CACNA1A: variants seen among roughly 807,000 people sequenced by gnomAD.
CACNA1A encodes voltage-dependent P/Q-type calcium channel subunit alpha-1A.
In CACNA1A, 57 loss-of-function variants were observed where a neutral mutation model predicts 262.4. That is an observed-to-expected ratio of 0.22 (90% CI 0.18 to 0.27). The LOEUF is 0.27. Among genes scored for constraint, CACNA1A ranks in the 10% least tolerant of loss-of-function variants. The pLI, the probability that CACNA1A is intolerant of heterozygous loss-of-function variation, is 1.00. For missense variants in CACNA1A, 2,526 were observed against 3,562.8 expected, an observed-to-expected ratio of 0.71 and a Z score of 7.41; for synonymous variants, 1,431 against 1,419.3, an observed-to-expected ratio of 1.01 and a Z score of -0.18.
At chr19:13,255,671 T>G in intron 28 of CACNA1A, among the ~76,000 whole-genome samples, 2 of 137,376 alleles carry the variant, frequency 1.5e-5, no homozygotes, top group South Asian at 2.5e-4. Flanking sequence ...CCTCCCTCGC[T>G]CCCTCCCTCC....
At chr19:13,263,101 G>C (rs2056775930) in intron 24 of CACNA1A, 1 of 456,970 alleles carries the variant, frequency 2.2e-6, no homozygotes, top group African/African-American at 2.0e-5. Flanking sequence ...CTGAGCAGCT[G>C]TATTGGGTGT....
At chr19:13,352,965 GT>G (rs768810476) in intron 6 of CACNA1A, among the ~76,000 whole-genome samples, 12 of 151,594 alleles carry the variant, frequency 7.9e-5, no homozygotes, top group Non-Finnish European at 1.3e-4. Context: ...TAGAGATGAG[GT>G]TTCGCCATGT....
At chr19:13,238,576 C>T (rs1159902084) in intron 31 of CACNA1A, among the ~76,000 whole-genome samples, 1 of 141,948 alleles carries the variant, frequency 7.0e-6, no homozygotes, top group African/African-American at 2.7e-5. Flanking sequence ...CTTGCACTCG[C>T]TCACCTCTAT....
intron 3 of CACNA1A, chr19:13,450,829 CTTTTAAT>C (rs1374070943): frequency 2.0e-5 from 3 of 152,106 alleles, no homozygotes; most frequent in African/African-American, 7.2e-5. Context: ...GCTTTATACA[CTTTTAAT>C]TTTTATTTTG....
intron 3 of CACNA1A, among the ~76,000 whole-genome samples, chr19:13,430,618 T>G (rs1373295752): frequency 6.6e-6 from 1 of 152,196 alleles, no homozygotes; most frequent in South Asian, 2.1e-4. Flanking sequence ...CAATTCATAT[T>G]ACAAATTATT....
At chr19:13,233,857 C>T (rs138920506) in intron 34 of CACNA1A, among the ~76,000 whole-genome samples, 155 of 152,140 alleles carry the variant, frequency 1.0e-3, no homozygotes, top group African/African-American at 3.3e-3. Context: ...CCTGATTATT[C>T]GTCTTCCCCA....
At chr19:13,347,519 T>A (rs550636289) in intron 6 of CACNA1A, among the ~76,000 whole-genome samples, 6 of 152,308 alleles carry the variant, frequency 3.9e-5, no homozygotes, top group African/African-American at 1.4e-4. Flanking sequence ...CACCTGTTTT[T>A]ATAGGTTAAC....
intron 15 of CACNA1A, 144 bp from the exon 16 acceptor site, chr19:13,304,028 C>T: frequency 1.6e-6 from 1 of 638,010 alleles, no homozygotes; most frequent in Non-Finnish European, 2.8e-6. Context: ...CAGAGCCAGA[C>T]TCCGTGTTGG....
chr19:13,447,089 TCAA>T (rs2060830132), intron 3 of CACNA1A, among the ~76,000 whole-genome samples: 1 of 151,880 alleles, frequency 6.6e-6, no homozygotes, highest in East Asian at 1.9e-4. Flanking sequence ...CATGGAGAAT[TCAA>T]CAAGAAAGGA....
In CACNA1A at chr19:13,208,900, G is replaced by A. The variant is rs1379281681; in HGVS notation, c.6636C>T (p.His2212=). 1 of 1,536,468 alleles carries A rather than the reference G, an allele frequency of 6.5e-7. No individual in the cohort carries two copies. The highest frequency in any genetic ancestry group is 2.0e-5 in the Admixed American group (1 of 50,982). The part of the protein sequence containing the change: ...PKDRKHRQHH[H]HHHHHHHPPP... Reference sequence around the variant, plus strand: ...GGGGATGGTGGTGGTGGTGGTGGTGGTGGTGGTGCTGTCGATGCTTCCGAT... The same window carrying A: ...GGGGATGGTGGTGGTGGTGGTGGTGATGGTGGTGCTGTCGATGCTTCCGAT... Residue 2212 remains histidine, a synonymous_variant, in exon 46 of 47, where the codon CAC becomes CAT. Transcript: ENST00000360228.
intron 19 of CACNA1A, among the ~76,000 whole-genome samples, chr19:13,289,904 T>TAA (rs1040657755): frequency 6.7e-6 from 1 of 148,864 alleles, no homozygotes; most frequent in African/African-American, 2.4e-5. Flanking sequence ...ATTATATATA[T>TAA]AACATATATA....
chr19:13,426,665 T>C lies in CACNA1A; in HGVS notation c.539+26211A>G, dbSNP rs530472322. On this transcript the variant is annotated intron_variant, in intron 3 of 46. Coordinates refer to ENST00000360228, the MANE Select transcript of CACNA1A (RefSeq NM_001127222.2). ...ATAGTGGGCGTGGTTAATAGCAGAT[T>C]AGACATAGCTAAAGAGGCAACTGGT... Among the ~76,000 whole-genome samples, 4 of 152,304 alleles carry C rather than the reference T, an allele frequency of 2.6e-5. No individual in the cohort carries two copies. In the South Asian group the frequency reaches 8.3e-4, roughly 32 times the overall value.
chr19:13,259,741 G>C, intron 26 of CACNA1A, 40 bp from the exon 27 acceptor site: 1 of 1,603,770 alleles, frequency 6.2e-7, no homozygotes, highest in Non-Finnish European at 8.5e-7. Flanking sequence ...ATGGGAAAGA[G>C]GGGCTGTCTT....
intron 6 of CACNA1A, among the ~76,000 whole-genome samples, chr19:13,339,058 G>T (rs1482187272): frequency 6.6e-6 from 1 of 152,066 alleles, no homozygotes; most frequent in Non-Finnish European, 1.5e-5. Flanking sequence ...TAGAGATGGG[G>T]TTTCACCATG....
At chr19:13,488,970 A>ACTGTTTTTAT (rs1980395885) in intron 1 of CACNA1A, among the ~76,000 whole-genome samples, 2 of 143,320 alleles carry the variant, frequency 1.4e-5, no homozygotes, top group South Asian at 4.4e-4. Flanking sequence ...AAACTCAGGG[A>ACTGTTTTTAT]CTGTTTTTAT....
chr19:13,227,561 A>C, intron 36 of CACNA1A, 34 bp from the exon 37 acceptor site: 1 of 1,266,818 alleles, frequency 7.9e-7, no homozygotes, highest in Non-Finnish European at 1.1e-6. Context: ...AACAAAAACA[A>C]AAACAAAAAA....
chr19:13,360,484 T>G (rs2059088660), intron 5 of CACNA1A, among the ~76,000 whole-genome samples: 2 of 149,362 alleles, frequency 1.3e-5, no homozygotes, highest in Non-Finnish European at 3.0e-5. Flanking sequence ...ATTTTTTTTT[T>G]TTTTTTTTTT....
At chr19:13,301,344 T>G (rs1007631196) in intron 17 of CACNA1A, among the ~76,000 whole-genome samples, 1 of 152,152 alleles carries the variant, frequency 6.6e-6, no homozygotes, top group Non-Finnish European at 1.5e-5. Context: ...CTGAACCAAC[T>G]TTCAAAAAAC....
Position 13,255,083 on chromosome 19 carries a change from T to G in CACNA1A, c.4755+12A>C, listed in dbSNP as rs1057522757. 4 of 1,613,082 alleles carry G rather than the reference T, an allele frequency of 2.5e-6. No homozygotes were observed. Among genetic ancestry groups the G allele is most frequent in the Non-Finnish European group, 3.4e-6 (4 of 1,179,466 alleles). Reference sequence around the variant, plus strand: ...GGTTAAGTAGTGCTGGGGGCTGGTGTGGGGCACTTACCTTCATCATAAGCA... The same window carrying G: ...GGTTAAGTAGTGCTGGGGGCTGGTGGGGGGCACTTACCTTCATCATAAGCA... On this transcript the variant is annotated intron_variant, in intron 29 of 46. Transcript: ENST00000360228.
Sources: gnomAD v4.1 joint callset for allele counts (sites outside exome capture counted in the v4.1 genomes callset) on GRCh38, gnomAD v4.1.1 for gene constraint, MANE v1.5 for transcripts, NCBI Gene and HGNC (gene_info 2026-07-23, HGNC 2026-07-21) for gene names.